The following SKAP2 variants were observed in gnomAD, a reference collection of about 807,000 sequenced individuals.
SKAP2 encodes src kinase associated phosphoprotein 2.
Under a neutral mutation model 54.9 loss-of-function variants are expected in SKAP2, and 28 were observed. The ratio of observed to expected loss-of-function variants is 0.51; its 90% CI spans 0.38 to 0.70. The LOEUF (loss-of-function observed/expected upper bound fraction) is 0.70, where lower values mean the gene tolerates loss of function less well. Ranked by LOEUF, SKAP2 falls within the 30% of genes least tolerant of loss-of-function variation. The pLI, the probability that SKAP2 is intolerant of heterozygous loss-of-function variation, is 0.00. For missense variants in SKAP2, 356 were observed against 424.1 expected, an observed-to-expected ratio of 0.84 and a Z score of 1.41; for synonymous variants, 137 against 134.3, an observed-to-expected ratio of 1.02 and a Z score of -0.14.
chr7:26,743,978 T>C (rs543878535), intron 4 of SKAP2, among the ~76,000 whole-genome samples: 27 of 152,300 alleles, frequency 1.8e-4, no homozygotes, highest in African/African-American at 6.3e-4. Context: ...TTAAAGCTTT[T>C]GCTTTAAAAA....
At chr7:26,683,418 G>A (rs557430850) in intron 11 of SKAP2, among the ~76,000 whole-genome samples, 27 of 152,246 alleles carry the variant, frequency 1.8e-4, no homozygotes, top group African/African-American at 6.5e-4. Flanking sequence ...AGAGAAATAA[G>A]TGACCAGCCT....
chr7:26,704,617 T>C (rs1787117231), intron 9 of SKAP2, among the ~76,000 whole-genome samples: 1 of 152,160 alleles, frequency 6.6e-6, no homozygotes, highest in African/African-American at 2.4e-5. Flanking sequence ...TACAGACTAA[T>C]TTATGATAAA....
chr7:26,662,151 C>T (rs79092961), downstream of SKAP2, among the ~76,000 whole-genome samples: 1,812 of 152,220 alleles, frequency 0.012, 37 homozygotes, highest in African/African-American at 0.041. Context: ...CTCTCAGCTT[C>T]CAGAGTTATG....
At chr7:26,714,304 A>T (rs541748439) in intron 9 of SKAP2, among the ~76,000 whole-genome samples, 78 of 152,292 alleles carry the variant, frequency 5.1e-4, no homozygotes, top group Middle Eastern at 3.4e-3. Flanking sequence ...TATATATATT[A>T]AAAAAACTGC....
intron 9 of SKAP2, among the ~76,000 whole-genome samples, chr7:26,690,816 T>A (rs1786765217): frequency 6.6e-6 from 1 of 152,194 alleles, no homozygotes; most frequent in African/African-American, 2.4e-5. Flanking sequence ...GTATCATATA[T>A]AAAATCATGG....
rs542036002 is a variant in SKAP2, at chr7:26,673,795, G to T, written c.988-3603C>A. Among the ~76,000 whole-genome samples the T allele has an allele frequency of 2.6e-5, 4 of 152,074 alleles. No individual in the cohort carries two copies. The South Asian group carries it at 8.3e-4, about 32-fold the overall frequency. On this transcript the variant is annotated intron_variant, in intron 11 of 12. Coordinates refer to ENST00000345317, the MANE Select transcript of SKAP2 (RefSeq NM_003930.5). ...GTTTTATTTTGTAGTTGAAATTTTA[G>T]TCCCCAATTAATATTTATTGAGCAG...
intron 11 of SKAP2, among the ~76,000 whole-genome samples, chr7:26,672,400 A>G (rs746147636): frequency 6.6e-5 from 10 of 152,040 alleles, no homozygotes; most frequent in Admixed American, 1.3e-4. Context: ...TAGAAAGCAT[A>G]GTGGTAAACA....
At chr7:26,713,639 G>A (rs982486116) in intron 9 of SKAP2, among the ~76,000 whole-genome samples, 31 of 151,034 alleles carry the variant, frequency 2.1e-4, no homozygotes, top group Admixed American at 1.1e-3. Flanking sequence ...TCGCTCTGTC[G>A]CCCAGGCTGG....
Position 26,684,836 on chromosome 7 carries a change from G to C in SKAP2, c.887C>G (p.Thr296Ser). 1 of 1,602,508 alleles carries C rather than the reference G, an allele frequency of 6.2e-7. No individual in the cohort carries two copies. The highest frequency in any genetic ancestry group is 1.7e-4 in the Middle Eastern group (1 of 6,030). Residue 296 changes from threonine (T) to serine (S), a missense_variant, in exon 11 of 13, where the codon ACT becomes AGT. Coordinates refer to ENST00000345317, the MANE Select transcript of SKAP2 (RefSeq NM_003930.5). The part of the protein sequence containing the change: ...SVHHTSGDKS[T>S]DYANFYQGLW... ...TCCCTGGTAAAAATTAGCATAATCA[G>C]TGCTCTTATCCCCTAGGAAGAAGAA... is the stretch of plus-strand genomic sequence containing the variant.
chr7:26,741,563 TA>T (rs1782455339), intron 4 of SKAP2, among the ~76,000 whole-genome samples: 1 of 98,800 alleles, frequency 1.0e-5, no homozygotes, highest in African/African-American at 3.4e-5. Context: ...AATAAATAAA[TA>T]AATAAATAAA....
At chr7:26,695,587 G>T (rs1786877763) in intron 9 of SKAP2, among the ~76,000 whole-genome samples, 1 of 152,134 alleles carries the variant, frequency 6.6e-6, no homozygotes, top group Non-Finnish European at 1.5e-5. Flanking sequence ...CAATTTACAG[G>T]TGGATTGCTT....
intron 4 of SKAP2, among the ~76,000 whole-genome samples, chr7:26,756,580 C>T (rs565456726): frequency 2.9e-4 from 44 of 152,242 alleles, no homozygotes; most frequent in South Asian, 1.9e-3. Context: ...AGTCTATCAT[C>T]GATGGACATT....
At chr7:26,764,188 G>A (rs1185166753) in intron 4 of SKAP2, among the ~76,000 whole-genome samples, 2 of 152,168 alleles carry the variant, frequency 1.3e-5, no homozygotes, top group African/African-American at 2.4e-5. Flanking sequence ...ATATGTATGT[G>A]TATAGGAAGG....
intron 4 of SKAP2, among the ~76,000 whole-genome samples, chr7:26,798,590 C>G (rs1783835908): frequency 6.6e-6 from 1 of 152,170 alleles, no homozygotes; most frequent in South Asian, 2.1e-4. Flanking sequence ...TCACTAGTCA[C>G]AGTAAGTACA....
At chr7:26,863,503 T>G (rs213525) in intron 1 of SKAP2, among the ~76,000 whole-genome samples, 22,556 of 152,128 alleles carry the variant, frequency 0.15, 1,964 homozygotes, top group African/African-American at 0.22. Flanking sequence ...AAACATATAT[T>G]TTCTACCTTG....
intron 6 of SKAP2, among the ~76,000 whole-genome samples, chr7:26,733,488 T>C (rs945423131): frequency 1.3e-5 from 2 of 152,096 alleles, no homozygotes; most frequent in African/African-American, 4.8e-5. Context: ...CTTTTAATTA[T>C]ACAAATATAA....
chr7:26,853,074 A>G (rs78764808), intron 3 of SKAP2, among the ~76,000 whole-genome samples: 324 of 151,670 alleles, frequency 2.1e-3, no homozygotes, highest in Non-Finnish European at 3.7e-3. Flanking sequence ...TCTTAATATG[A>G]AAAAAAAATC....
downstream of SKAP2, among the ~76,000 whole-genome samples, chr7:26,665,130 C>T (rs1786082463): frequency 6.6e-6 from 1 of 152,196 alleles, no homozygotes; most frequent in African/African-American, 2.4e-5. Flanking sequence ...AGCTAGAATG[C>T]TTTCAAGATC....
rs369317261 is a variant in SKAP2, at chr7:26,668,662, G to GTTTTTTTT, written c.*996_*1003dup. ...TACTTTGAGAATACACTGAGATTCT[G>GTTTTTTTT]TTTTTTTTTTTTTTTTTTTCTGAGA... On this transcript the variant is annotated 3_prime_UTR_variant, in exon 13 of 13. Coordinates refer to ENST00000345317, the MANE Select transcript of SKAP2 (RefSeq NM_003930.5). The GTTTTTTTT allele has an allele frequency of 4.9e-5, 6 of 122,994 alleles. No individual in the cohort carries two copies. Among genetic ancestry groups the GTTTTTTTT allele is most frequent in the African/African-American group, 9.1e-5 (3 of 32,990 alleles). 7.6% of individuals were successfully genotyped at this position (122,994 alleles called of 1,614,324 possible).
Sources: allele counts gnomAD v4.1 joint callset (sites outside exome capture counted in the v4.1 genomes callset), GRCh38; gene constraint gnomAD v4.1.1; transcripts MANE v1.5; gene names NCBI Gene and HGNC (gene_info 2026-07-23, HGNC 2026-07-21).